Variants in BCAS3 observed in about 807,000 individuals in gnomAD.
BCAS3 encodes BCAS3 microtubule associated cell migration factor, also known as BCAS4/BCAS3 fusion.
A neutral mutation model predicts 116.1 loss-of-function variants in BCAS3; 53 were observed. The ratio of observed to expected loss-of-function variants is 0.46; its 90% CI spans 0.37 to 0.57. BCAS3 has a LOEUF of 0.57. BCAS3 is among the 20% of genes least tolerant of loss of function. The pLI is 0.00. For synonymous variants in BCAS3, 391 were observed against 408.2 expected, an observed-to-expected ratio of 0.96 and a Z score of 0.51; for missense variants, 917 against 1,165.4, an observed-to-expected ratio of 0.79 and a Z score of 3.10.
chr17:60,772,334 G>T (rs569108692), intron 6 of BCAS3, among the ~76,000 whole-genome samples: 65 of 152,010 alleles, frequency 4.3e-4, no homozygotes, highest in Non-Finnish European at 8.7e-4. Context: ...TCACGTGTCT[G>T]TTGGCTGCAT....
intron 22 of BCAS3, among the ~76,000 whole-genome samples, chr17:61,314,197 C>T (rs1428602131): frequency 6.6e-6 from 1 of 152,184 alleles, no homozygotes; most frequent in Non-Finnish European, 1.5e-5. Flanking sequence ...ACGTTTTGAT[C>T]TTGTAATGTC....
chr17:60,875,142 G>T (rs2055473948), intron 9 of BCAS3, among the ~76,000 whole-genome samples: 2 of 151,890 alleles, frequency 1.3e-5, no homozygotes, highest in African/African-American at 4.8e-5. Flanking sequence ...TAACCAAAAG[G>T]TGAAAAAAAT....
intron 4 of BCAS3, among the ~76,000 whole-genome samples, chr17:60,692,714 A>G (rs2035011679): frequency 1.3e-5 from 2 of 150,576 alleles, no homozygotes; most frequent in Non-Finnish European, 2.9e-5. Flanking sequence ...AGCCTGGGCA[A>G]CAGAGCGAGA....
At chr17:61,000,920 A>G (rs902805686) in intron 15 of BCAS3, among the ~76,000 whole-genome samples, 1 of 152,134 alleles carries the variant, frequency 6.6e-6, no homozygotes, top group African/African-American at 2.4e-5. Flanking sequence ...AGCCTTTGCC[A>G]TTTCTTAATT....
intron 14 of BCAS3, among the ~76,000 whole-genome samples, chr17:60,979,838 G>A (rs1186414533): frequency 6.6e-6 from 1 of 152,110 alleles, no homozygotes; most frequent in Non-Finnish European, 1.5e-5. Context: ...GCATCCCAGG[G>A]ATGAAGCCCA....
At chr17:60,830,067 C>T (rs1471368105) in intron 7 of BCAS3, among the ~76,000 whole-genome samples, 1 of 152,204 alleles carries the variant, frequency 6.6e-6, no homozygotes, top group East Asian at 1.9e-4. Context: ...TCTTAGCTCA[C>T]CGCAACCTCT....
intron 19 of BCAS3, among the ~76,000 whole-genome samples, chr17:61,072,302 A>G (rs1047446646): frequency 2.0e-5 from 3 of 152,194 alleles, no homozygotes; most frequent in Non-Finnish European, 4.4e-5. Context: ...AGCTATAACA[A>G]TGATCAACTA....
Position 61,324,359 on chromosome 17 carries a change from T to A in BCAS3, c.2426-43968T>A, listed in dbSNP as rs1789965955. Among the ~76,000 whole-genome samples the A allele has an allele frequency of 6.6e-6, 1 of 152,192 alleles. No individual in the cohort carries two copies. Among genetic ancestry groups the A allele is most frequent in the South Asian group, 2.1e-4 (1 of 4,834 alleles). On this transcript the variant is annotated intron_variant, in intron 22 of 23. Coordinates refer to ENST00000407086, the MANE Select transcript of BCAS3 (RefSeq NM_017679.5). The surrounding 1 kb of genome is among the most constrained non-coding windows in gnomAD (Gnocchi z 4.6). Reference sequence around the variant, plus strand: ...ACTAGGATTAGACTAAGGCAGAGATTCACCCATTTGACCCCTGCAAGGCTG... The same window carrying A: ...ACTAGGATTAGACTAAGGCAGAGATACACCCATTTGACCCCTGCAAGGCTG...
At chr17:61,090,179 G>T (rs1328661814) in intron 22 of BCAS3, among the ~76,000 whole-genome samples, 1 of 152,096 alleles carries the variant, frequency 6.6e-6, no homozygotes, top group African/African-American at 2.4e-5. Context: ...TTGTGGAAGG[G>T]GTGTGTTCAA....
intron 22 of BCAS3, among the ~76,000 whole-genome samples, chr17:61,160,053 A>C (rs2078079712): frequency 6.6e-6 from 1 of 151,020 alleles, no homozygotes; most frequent in East Asian, 1.9e-4. Context: ...AAAAATATAT[A>C]TTGAAAATAG....
rs546350316 is a variant in BCAS3 at position 61,243,161 on chromosome 17, C to A, written c.2426-125166C>A. ...TCCTGACCTCGTGATCCGCCCGCCA[C>A]GGCCTCCCAAAGTGCTGGGATTACA... is the stretch of plus-strand genomic sequence containing the variant. On this transcript the variant is annotated intron_variant, in intron 22 of 23. Transcript: ENST00000407086. The surrounding 1 kb of genome is among the most constrained non-coding windows in gnomAD (Gnocchi z 5.6). 6.6e-6 allele frequency among the ~76,000 whole-genome samples: 1 copy of A among 152,170 alleles called. No homozygotes were observed. Among genetic ancestry groups the A allele is most frequent in the East Asian group, 1.9e-4 (1 of 5,204 alleles).
intron 14 of BCAS3, among the ~76,000 whole-genome samples, chr17:60,952,768 T>C (rs1988961): frequency 0.3 from 45,866 of 151,864 alleles, 11,352 homozygotes; most frequent in African/African-American, 0.69. Flanking sequence ...TCTCCCTCCT[T>C]CCATCTTCCA....
intron 5 of BCAS3, 72 bp downstream of exon 5, chr17:60,709,397 CTTT>C: frequency 1.2e-6 from 1 of 805,584 alleles, no homozygotes. Flanking sequence ...TCTGTAGATA[CTTT>C]TTTTTTTTGA....
intron 6 of BCAS3, among the ~76,000 whole-genome samples, chr17:60,778,845 G>A (rs2045540195): frequency 6.6e-6 from 1 of 152,116 alleles, no homozygotes; most frequent in Non-Finnish European, 1.5e-5. Flanking sequence ...ATTCATGTGT[G>A]TTGGGCATAT....
chr17:61,092,212 T>C (rs2073631105), intron 22 of BCAS3, among the ~76,000 whole-genome samples: 1 of 152,258 alleles, frequency 6.6e-6, no homozygotes. Flanking sequence ...TATTGCAGTG[T>C]AGTGTTCCAT....
intron 22 of BCAS3, among the ~76,000 whole-genome samples, chr17:61,301,155 G>A (rs551895481): frequency 3.9e-5 from 6 of 152,198 alleles, no homozygotes; most frequent in Middle Eastern, 3.4e-3. Context: ...AAGTTTTATC[G>A]GAACATAGCC....
chr17:60,980,248 C>T lies in BCAS3; in HGVS notation c.1222-9723C>T, dbSNP rs376350654. On this transcript the variant is annotated intron_variant, in intron 14 of 23. Coordinates refer to ENST00000407086, the MANE Select transcript of BCAS3 (RefSeq NM_017679.5). ...CTAAGTGGCTACACCATTTATATTT[C>T]CCCTATGGAAATTTGAGTGTTTCAG... 1.7e-3 allele frequency among the ~76,000 whole-genome samples: 258 copies of T among 152,258 alleles called. 1 individual carries two copies. The highest frequency in any genetic ancestry group is 5.9e-3 in the African/African-American group (245 of 41,552).
chr17:61,320,267 G>A (rs2055098895), intron 22 of BCAS3, among the ~76,000 whole-genome samples: 1 of 152,028 alleles, frequency 6.6e-6, no homozygotes, highest in Non-Finnish European at 1.5e-5. Context: ...TTACTCCAAA[G>A]CCCAGTTTTT....
intron 22 of BCAS3, among the ~76,000 whole-genome samples, chr17:61,170,452 C>A (rs2078778410): frequency 6.6e-6 from 1 of 151,990 alleles, no homozygotes; most frequent in East Asian, 2.0e-4. Flanking sequence ...ACCACCACGC[C>A]CGGCTAATTT....
Sources: allele counts gnomAD v4.1 joint callset (sites outside exome capture counted in the v4.1 genomes callset), GRCh38; gene constraint gnomAD v4.1.1; non-coding constraint Gnocchi (gnomAD v3.1); transcripts MANE v1.5; gene names NCBI Gene and HGNC (gene_info 2026-07-23, HGNC 2026-07-21).